PLEKHA7: variants seen among roughly 807,000 people sequenced by gnomAD.
PLEKHA7 encodes pleckstrin homology domain-containing family A member 7.
In PLEKHA7, 104 loss-of-function variants were observed where a neutral mutation model predicts 170.0. The ratio of observed to expected loss-of-function variants is 0.61; its 90% CI spans 0.52 to 0.72. The LOEUF (loss-of-function observed/expected upper bound fraction) is 0.72, where lower values mean the gene tolerates loss of function less well. PLEKHA7 is among the 30% of genes least tolerant of loss of function. The probability of loss-of-function intolerance (pLI) is 0.00; values close to 1 mark genes in which losing one functional copy is unlikely to be tolerated. For synonymous variants in PLEKHA7, 648 were observed against 660.8 expected, an observed-to-expected ratio of 0.98 and a Z score of 0.30; for missense variants, 1,615 against 1,671.7, an observed-to-expected ratio of 0.97 and a Z score of 0.59.
Position 16,789,095 on chromosome 11 carries a change from C to T in PLEKHA7, c.3357+1G>A, listed in dbSNP as rs770761696. ...CCGCTGCCTGGCCCCTCCTAACATA[C>T]TGAGCCAAGATCTCCAGGGAGCGGC... is the stretch of plus-strand genomic sequence containing the variant. On this transcript the variant is annotated splice_donor_variant, in intron 23 of 26. Coordinates refer to ENST00000531066, the MANE Select transcript of PLEKHA7 (RefSeq NM_001329630.2). LOFTEE classifies it high-confidence loss of function. The surrounding 1 kb of genome is among the most constrained non-coding windows in gnomAD (Gnocchi z 4.6). 6.2e-7 allele frequency: 1 copy of T among 1,601,922 alleles called. No individual in the cohort carries two copies. Among genetic ancestry groups the T allele is most frequent in the Non-Finnish European group, 8.5e-7 (1 of 1,179,890 alleles).
chr11:16,921,269 C>G (rs1241465337), intron 3 of PLEKHA7, among the ~76,000 whole-genome samples: 2 of 152,122 alleles, frequency 1.3e-5, no homozygotes, highest in African/African-American at 4.8e-5. Flanking sequence ...CCAAACATTT[C>G]CCCTGCCTAA....
At chr11:16,866,646 T>C (rs1854419908) in intron 4 of PLEKHA7, among the ~76,000 whole-genome samples, 1 of 152,166 alleles carries the variant, frequency 6.6e-6, no homozygotes, top group South Asian at 2.1e-4. Flanking sequence ...ATGATGGACA[T>C]GAAGCAAACA....
At chr11:16,965,652 C>T (rs548488770) in intron 3 of PLEKHA7, among the ~76,000 whole-genome samples, 3 of 152,152 alleles carry the variant, frequency 2.0e-5, no homozygotes, top group Non-Finnish European at 4.4e-5. Context: ...GGTCTGTATC[C>T]GAGAAGTGAA....
At chr11:16,845,606 A>T (rs1031046266) in intron 8 of PLEKHA7, among the ~76,000 whole-genome samples, 1 of 152,118 alleles carries the variant, frequency 6.6e-6, no homozygotes, top group Non-Finnish European at 1.5e-5. Context: ...GGCTCAAGTG[A>T]TCCACCCACC....
chr11:16,812,514 C>T (rs1036743944), intron 13 of PLEKHA7: 9 of 152,256 alleles, frequency 5.9e-5, no homozygotes, highest in African/African-American at 1.7e-4. Flanking sequence ...GGGCAGGGAA[C>T]AATAGGCCTC....
chr11:16,872,395 T>C (rs1490111455), intron 3 of PLEKHA7, among the ~76,000 whole-genome samples: 5 of 152,216 alleles, frequency 3.3e-5, no homozygotes, highest in South Asian at 2.1e-4. Context: ...CTTTAGGCTA[T>C]TGAGAGTGAT....
chr11:16,981,247 T>C (rs546914958), intron 3 of PLEKHA7, among the ~76,000 whole-genome samples: 2 of 152,346 alleles, frequency 1.3e-5, no homozygotes, highest in East Asian at 3.9e-4. Context: ...CATGCAGGTA[T>C]GATTATCCTG....
chr11:17,012,412 G>A (rs1281712205), intron 3 of PLEKHA7, among the ~76,000 whole-genome samples: 2 of 151,994 alleles, frequency 1.3e-5, no homozygotes. Flanking sequence ...CGCTCTTCCC[G>A]AAATGCTTTG....
intron 9 of PLEKHA7, among the ~76,000 whole-genome samples, chr11:16,829,182 A>G (rs1334728443): frequency 4.0e-5 from 6 of 151,762 alleles, no homozygotes; most frequent in Non-Finnish European, 8.8e-5. Flanking sequence ...GCTAATTAAA[A>G]AAAAAAAAAA....
chr11:16,852,243 T>A (rs769153705), intron 7 of PLEKHA7, 40 bp downstream of exon 7: 1 of 1,586,126 alleles, frequency 6.3e-7, no homozygotes, highest in Non-Finnish European at 8.7e-7. Context: ...TATGTAAAAC[T>A]GAACACTTCG....
chr11:16,969,547 C>T (rs1047847089), intron 3 of PLEKHA7, among the ~76,000 whole-genome samples: 2 of 152,242 alleles, frequency 1.3e-5, no homozygotes, highest in Middle Eastern at 3.4e-3. Flanking sequence ...ATGCATTGCT[C>T]ATATGCATCC....
At chr11:16,813,213 G>A in intron 12 of PLEKHA7, 47 bp from the exon 13 acceptor site, 3 of 1,533,788 alleles carry the variant, frequency 2.0e-6, no homozygotes, top group South Asian at 1.1e-5. Flanking sequence ...AACACCAAGA[G>A]TTTCCATAAC....
intron 3 of PLEKHA7, among the ~76,000 whole-genome samples, chr11:16,917,188 C>T (rs192728654): frequency 2.4e-3 from 367 of 152,152 alleles, no homozygotes; most frequent in Non-Finnish European, 4.4e-3. Context: ...CACTGCCCTC[C>T]AGCCTGGGTG....
Position 16,791,909 on chromosome 11 carries a change from C to A in PLEKHA7, c.2746-710G>T, listed in dbSNP as rs1847884474. ...GTTCCTCTACATATCAACAGACCGG[C>A]CCCTGGTTGCCATGAACACCCACTC... On this transcript the variant is annotated intron_variant, in intron 19 of 26. Coordinates refer to ENST00000531066, the MANE Select transcript of PLEKHA7 (RefSeq NM_001329630.2). This position sits in a 1 kb window ranked among gnomAD's most constrained non-coding sequence, Gnocchi z 4.5. 6.6e-6 allele frequency among the ~76,000 whole-genome samples: 1 copy of A among 152,148 alleles called. No homozygotes were observed. Among genetic ancestry groups the A allele is most frequent in the African/African-American group, 2.4e-5 (1 of 41,424 alleles).
chr11:16,851,859 C>A (rs537790919), intron 7 of PLEKHA7, among the ~76,000 whole-genome samples: 1 of 152,352 alleles, frequency 6.6e-6, no homozygotes, highest in South Asian at 2.1e-4. Flanking sequence ...TTGAAAGCAC[C>A]AGTAGCAGTC....
chr11:17,008,514 C>T (rs1865147234), intron 3 of PLEKHA7, among the ~76,000 whole-genome samples: 1 of 152,224 alleles, frequency 6.6e-6, no homozygotes, highest in African/African-American at 2.4e-5. Flanking sequence ...TGTTGAGCTT[C>T]TCTCACCTTG....
intron 10 of PLEKHA7, among the ~76,000 whole-genome samples, chr11:16,819,656 G>C (rs1850059598): frequency 6.6e-6 from 1 of 152,194 alleles, no homozygotes; most frequent in Admixed American, 6.5e-5. Context: ...ACCACCTGGG[G>C]ACTTGTTAGA....
intron 3 of PLEKHA7, among the ~76,000 whole-genome samples, chr11:16,917,001 T>G (rs1274425335): frequency 6.6e-6 from 1 of 152,096 alleles, no homozygotes; most frequent in South Asian, 2.1e-4. Context: ...GGTGGATCAA[T>G]TGAGGTCAGG....
intron 11 of PLEKHA7, 107 bp from the exon 12 acceptor site, chr11:16,816,371 T>C: frequency 1.3e-6 from 1 of 765,666 alleles, no homozygotes; most frequent in Non-Finnish European, 2.3e-6. Context: ...ACTTCTCATC[T>C]ATGAAATGAG....
Sources: allele counts gnomAD v4.1 joint callset (sites outside exome capture counted in the v4.1 genomes callset), GRCh38; gene constraint gnomAD v4.1.1; non-coding constraint Gnocchi (gnomAD v3.1); transcripts MANE v1.5; gene names NCBI Gene and HGNC (gene_info 2026-07-23, HGNC 2026-07-21).